The following ZNF710 variants were observed in gnomAD, a reference collection of about 807,000 sequenced individuals.
The protein encoded by ZNF710 is zinc finger protein 710.
Under a neutral mutation model 50.6 loss-of-function variants are expected in ZNF710, and 13 were observed. The observed-to-expected ratio is 0.26, with a 90% confidence interval of 0.17 to 0.41. ZNF710 has a LOEUF of 0.41. Among genes scored for constraint, ZNF710 ranks in the 10% least tolerant of loss-of-function variants. The pLI is 1.00. For missense variants in ZNF710, 721 were observed against 936.6 expected, an observed-to-expected ratio of 0.77 and a Z score of 3.01; for synonymous variants, 383 against 397.0, an observed-to-expected ratio of 0.96 and a Z score of 0.42.
chr15:90,061,969 C>A (rs182734239), intron 1 of ZNF710, among the ~76,000 whole-genome samples: 1 of 151,918 alleles, frequency 6.6e-6, no homozygotes, highest in African/African-American at 2.4e-5. Flanking sequence ...TGGGGAAGGT[C>A]CCCTGCTGGC....
intron 1 of ZNF710, among the ~76,000 whole-genome samples, chr15:90,058,567 T>C (rs1417964972): frequency 6.6e-6 from 1 of 152,114 alleles, no homozygotes; most frequent in Non-Finnish European, 1.5e-5. Flanking sequence ...ACTCCCGTGC[T>C]GGGCCCCCTC....
At chr15:90,011,392 A>G (rs191677702) in intron 1 of ZNF710, among the ~76,000 whole-genome samples, 3 of 152,324 alleles carry the variant, frequency 2.0e-5, no homozygotes, top group Admixed American at 2.0e-4. Flanking sequence ...TACAGGTGTG[A>G]GCCACCGTGC....
chr15:90,050,639 G>A (rs548786837), intron 1 of ZNF710, among the ~76,000 whole-genome samples: 1 of 152,350 alleles, frequency 6.6e-6, no homozygotes, highest in Admixed American at 6.5e-5. Flanking sequence ...TGAGGAGACT[G>A]AGGCACACAC....
Position 90,011,778 on chromosome 15 carries a change from T to C in ZNF710, c.-29+10164T>C, listed in dbSNP as rs565247603. On this transcript the variant is annotated intron_variant, in intron 1 of 4. Transcript: ENST00000268154. ...TTTCTTCTTCTTCTTTTTTTTAGCC[T>C]AGAATATATATAATAATGGCTTCAT... is the stretch of plus-strand genomic sequence containing the variant. Among the ~76,000 whole-genome samples, 7 of 152,310 alleles carry C rather than the reference T, an allele frequency of 4.6e-5. No homozygotes were observed. The South Asian group carries it at 8.3e-4, about 18-fold the overall frequency.
rs367985493 is a variant in ZNF710, at chr15:90,079,766, C to T, written c.1932C>T (p.Ser644=). The change falls in exon 5 of 5, where the codon AGC becomes AGT. Residue 644 remains serine, a synonymous_variant. Transcript: ENST00000268154. ...NAYSYASVDS[S]AEASVLTEQA... ...ACAGCTATGCGAGCGTGGACAGCAG[C>T]GCCGAGGCCAGTGTCCTCACTGAAC... 29 of 1,613,016 alleles carry T rather than the reference C, an allele frequency of 1.8e-5. No homozygotes were observed. Among genetic ancestry groups the T allele is most frequent in the Middle Eastern group, 3.3e-4 (2 of 6,076 alleles).
At chr15:90,079,188 C>T (rs968580083) in intron 4 of ZNF710, among the ~76,000 whole-genome samples, 1 of 152,210 alleles carries the variant, frequency 6.6e-6, no homozygotes, top group Non-Finnish European at 1.5e-5. Flanking sequence ...CCTCAGCCTT[C>T]TGAGCTGCTA....
intron 2 of ZNF710, among the ~76,000 whole-genome samples, chr15:90,071,996 G>A (rs1053960620): frequency 1.3e-5 from 2 of 151,442 alleles, no homozygotes; most frequent in Non-Finnish European, 2.9e-5. Flanking sequence ...TAGAGATAGG[G>A]TCTTGCTATG....
intron 1 of ZNF710, among the ~76,000 whole-genome samples, chr15:90,049,287 G>A: frequency 6.6e-6 from 1 of 152,178 alleles, no homozygotes; most frequent in East Asian, 1.9e-4. Context: ...GCCCAAAGCA[G>A]TACAGCGAGG....
intron 1 of ZNF710, among the ~76,000 whole-genome samples, chr15:90,026,537 C>T (rs760330088): frequency 2.0e-5 from 3 of 151,936 alleles, no homozygotes; most frequent in Non-Finnish European, 4.4e-5. Flanking sequence ...TAAGCTGTTC[C>T]ACAGCTTAGC....
rs1433531451 is a variant in ZNF710 at position 90,081,385 on chromosome 15, A to G, written c.*1556A>G. ...GAGGGGCAAGCAGGGGTCTTCCCCA[A>G]AGGCACAGATGAAGCCACTAGCTTC... On this transcript the variant is annotated 3_prime_UTR_variant, in exon 5 of 5. Transcript: ENST00000268154. 1 of 152,212 alleles carries G rather than the reference A, an allele frequency of 6.6e-6. No homozygotes were observed. Among genetic ancestry groups the G allele is most frequent in the African/African-American group, 2.4e-5 (1 of 41,436 alleles). The allele number at this position is 152,212 out of a possible 1,614,324, so 9.4% of individuals were successfully genotyped here.
At chr15:90,030,546 C>T (rs2151483868) in intron 1 of ZNF710, among the ~76,000 whole-genome samples, 1 of 151,994 alleles carries the variant, frequency 6.6e-6, no homozygotes, top group Admixed American at 6.5e-5. Flanking sequence ...ATGTGCCAGG[C>T]CCTGGCCGAA....
At chr15:90,014,037 A>C (rs1241208342) in intron 1 of ZNF710, among the ~76,000 whole-genome samples, 1 of 152,088 alleles carries the variant, frequency 6.6e-6, no homozygotes. Context: ...ATCAAATAGA[A>C]TTTATGGCAA....
chr15:90,016,081 G>A (rs1898448341), intron 1 of ZNF710, among the ~76,000 whole-genome samples: 1 of 152,146 alleles, frequency 6.6e-6, no homozygotes, highest in South Asian at 2.1e-4. Context: ...TCCCACAGTC[G>A]GGGCTGACTT....
At chr15:90,021,572 G>T (rs566200758) in intron 1 of ZNF710, among the ~76,000 whole-genome samples, 12 of 152,230 alleles carry the variant, frequency 7.9e-5, no homozygotes, top group African/African-American at 2.9e-4. Flanking sequence ...CATTCAATCA[G>T]CAAACATTTA....
At chr15:90,073,857 G>C (rs1420965907) in intron 3 of ZNF710, among the ~76,000 whole-genome samples, 4 of 151,966 alleles carry the variant, frequency 2.6e-5, no homozygotes, top group African/African-American at 9.7e-5. Context: ...GGGCGTGGTG[G>C]CACGTGCCTG....
chr15:90,047,149 A>G (rs1899490064), intron 1 of ZNF710, among the ~76,000 whole-genome samples: 1 of 112,072 alleles, frequency 8.9e-6, no homozygotes, highest in African/African-American at 3.5e-5. Context: ...AGTTTGAGGC[A>G]GGCATGTTTC....
At chr15:90,019,187 C>CTTTTTTTTTTTTTTT (rs11285838) in intron 1 of ZNF710, among the ~76,000 whole-genome samples, 19 of 89,388 alleles carry the variant, frequency 2.1e-4, no homozygotes, top group African/African-American at 5.8e-4. Context: ...CTTTTTCTTT[C>CTTTTTTTTTTTTTTT]TTTTTTTTTT....
chr15:90,030,276 C>T (rs966086063), intron 1 of ZNF710, among the ~76,000 whole-genome samples: 1 of 129,314 alleles, frequency 7.7e-6, no homozygotes, highest in Non-Finnish European at 1.6e-5. Flanking sequence ...TTGCAGTGAG[C>T]CAATATCACG....
At chr15:90,033,758 G>A (rs1276397309) in intron 1 of ZNF710, among the ~76,000 whole-genome samples, 1 of 152,184 alleles carries the variant, frequency 6.6e-6, no homozygotes, top group Admixed American at 6.5e-5. Flanking sequence ...TGGTCACAGA[G>A]CCTGGGGAGA....
Sources: allele counts gnomAD v4.1 joint callset (sites outside exome capture counted in the v4.1 genomes callset), GRCh38; gene constraint gnomAD v4.1.1; transcripts MANE v1.5; gene names NCBI Gene and HGNC (gene_info 2026-07-23, HGNC 2026-07-21).